IFT122: variants seen among roughly 807,000 people sequenced by gnomAD.
The protein encoded by IFT122 is intraflagellar transport protein 122 homolog.
IFT122 carries 118 observed loss-of-function variants against 161.6 expected under a neutral mutation model. The ratio of observed to expected loss-of-function variants is 0.73; its 90% CI spans 0.63 to 0.85. The LOEUF is 0.85. Ranked by LOEUF, IFT122 falls within the 40% of genes least tolerant of loss-of-function variation. IFT122 has a pLI of 0.00. For synonymous variants in IFT122, 550 were observed against 602.4 expected, an observed-to-expected ratio of 0.91 and a Z score of 1.27; for missense variants, 1,381 against 1,579.6, an observed-to-expected ratio of 0.87 and a Z score of 2.13.
At chr3:129,477,343 T>G (rs959811868) in intron 11 of IFT122, among the ~76,000 whole-genome samples, 2 of 152,220 alleles carry the variant, frequency 1.3e-5, no homozygotes, top group Non-Finnish European at 2.9e-5. Flanking sequence ...TCCACTTAAG[T>G]TGCTGTGCTG....
chr3:129,487,668 AC>A (rs1353386472), intron 15 of IFT122: 2 of 173,178 alleles, frequency 1.2e-5, no homozygotes, highest in African/African-American at 4.8e-5. Context: ...GCCATTCCAG[AC>A]CGCTTCCTCC....
intron 19 of IFT122, among the ~76,000 whole-genome samples, chr3:129,501,218 A>G (rs2081503333): frequency 6.6e-6 from 1 of 152,162 alleles, no homozygotes; most frequent in Non-Finnish European, 1.5e-5. Flanking sequence ...ACACGTGCAC[A>G]TGCTGCTGCG....
At chr3:129,506,273 A>G (rs1001829795) in intron 21 of IFT122, 136 bp from the exon 22 acceptor site, 1 of 952,696 alleles carries the variant, frequency 1.0e-6, no homozygotes, top group African/African-American at 1.6e-5. Flanking sequence ...CATCCCAGCA[A>G]CGAAGCACTG....
rs764713297 is a variant in IFT122 at position 129,492,137 on chromosome 3, A to C, written c.1993-4A>C. The C allele has an allele frequency of 1.2e-6, 2 of 1,609,684 alleles. No homozygotes were observed. The highest frequency in any genetic ancestry group is 4.5e-5 in the East Asian group (2 of 44,818). ...TTATTTTATTCTTTATTTCTTCGCC[A>C]CAGGCCTTCATCAGAGTACAAGACC... On this transcript the variant is annotated splice_polypyrimidine_tract_variant and splice_region_variant and intron_variant, in intron 16 of 29. Transcript: ENST00000348417.
rs1176053696 is a variant in IFT122 at position 129,495,405 on chromosome 3, A to G, written c.2047-41A>G. 8 of 1,612,166 alleles carry G rather than the reference A, an allele frequency of 5.0e-6. No individual in the cohort carries two copies. In the East Asian group the frequency reaches 8.9e-5, roughly 18 times the overall value. On this transcript the variant is annotated intron_variant, in intron 17 of 29. Coordinates refer to ENST00000348417, the MANE Select transcript of IFT122 (RefSeq NM_052989.3). ...CCTTTGTAAAGGCTGCTTCCTGCCC[A>G]TGGCTGCAGAGGCCATTTCCTTTGC...
chr3:129,466,516 T>TTTTTTTTTTTTTTTTTTTTTC, intron 7 of IFT122, among the ~76,000 whole-genome samples: 1 of 145,320 alleles, frequency 6.9e-6, no homozygotes, highest in Non-Finnish European at 1.5e-5. Context: ...TTTTTTTTTT[T>TTTTTTTTTTTTTTTTTTTTTC]TTTGAGACGG....
rs527470540 is a variant in IFT122 at position 129,466,495 on chromosome 3, CTTTTTTTTTTTT to C, written c.564-382_564-371del. The stretch of plus-strand genomic sequence containing the variant: ...GCTCCTTTTATTTTTTATTTTTATT[CTTTTTTTTTTTT>C]TTTTTTTTTTTTGAGACGGGGTCTC... On this transcript the variant is annotated intron_variant, in intron 7 of 29. Transcript: ENST00000348417. Among the ~76,000 whole-genome samples the C allele has an allele frequency of 2.7e-3, 277 of 102,196 alleles. 1 individual carries two copies. The highest frequency in any genetic ancestry group is 8.0e-3 in the African/African-American group (216 of 27,096). 67.0% of individuals were successfully genotyped at this position (102,196 alleles called of 152,430 possible).
rs2080729857 is a variant in IFT122 at position 129,495,530 on chromosome 3, A to T, written c.2131A>T (p.Lys711Ter). ...SYQGKFHEAA[K>*]LYKRSGHENL... ...CCAGGGGAAGTTCCATGAGGCCGCC[A>T]AACTGTACAAGAGGAGTGGGCACGA... The change falls in exon 18 of 30, where the codon AAA (lysine) becomes TAA (stop). Residue 711 changes from lysine (K) to a stop codon, truncating the protein, a stop_gained. Coordinates refer to ENST00000348417, the MANE Select transcript of IFT122 (RefSeq NM_052989.3). LOFTEE classifies it high-confidence loss of function. The T allele has an allele frequency of 1.8e-5, 29 of 1,614,216 alleles. No individual in the cohort carries two copies. The highest frequency in any genetic ancestry group is 2.5e-5 in the Non-Finnish European group (29 of 1,180,042).
rs755254772 is a variant in IFT122, at chr3:129,451,991, G to A, written c.186G>A (p.Ala62=). 36 of 1,612,676 alleles carry A rather than the reference G, an allele frequency of 2.2e-5. No individual in the cohort carries two copies. Among genetic ancestry groups the A allele is most frequent in the Admixed American group, 1.0e-4 (6 of 59,998 alleles). The stretch of plus-strand genomic sequence containing the variant: ...ACACTGTGTACTGTGTGGCATATGC[G>A]AAGGATGGTAAAAGGCTGCTCTGGG... ...HKDTVYCVAY[A]KDGKRFASGS... Residue 62 remains alanine, a synonymous_variant, in exon 3 of 30, where the codon GCG becomes GCA. Coordinates refer to ENST00000348417, the MANE Select transcript of IFT122 (RefSeq NM_052989.3).
intron 24 of IFT122, chr3:129,514,090 G>A (rs2083168096): frequency 4.4e-6 from 2 of 451,008 alleles, no homozygotes; most frequent in Non-Finnish European, 8.4e-6. Flanking sequence ...GAGGCAGGAA[G>A]AGCCATTTTG....
At position 129,454,910 on chromosome 3, in the gene IFT122, G is replaced by A. The variant is rs116983337; in HGVS notation, c.193+2912G>A. On this transcript the variant is annotated intron_variant, in intron 3 of 29. Transcript: ENST00000348417. ...AGGCAGCAAGGGGACTCTTATCTCC[G>A]CTCAAAGATGAGAAAACAGACTTGG... 1.8e-4 allele frequency among the ~76,000 whole-genome samples: 27 copies of A among 152,196 alleles called. No individual in the cohort carries two copies. The East Asian group carries it at 4.8e-3, about 27-fold the overall frequency.
At position 129,499,994 on chromosome 3, in the gene IFT122, C is replaced by G. The variant is rs540474261; in HGVS notation, c.2301C>G (p.Ala767=). The G allele has an allele frequency of 1.2e-6, 2 of 1,614,184 alleles. No homozygotes were observed. The highest frequency in any genetic ancestry group is 1.7e-6 in the Non-Finnish European group (2 of 1,180,032). ...GAAATATCAAGGAGCCCAAAGCCGC[C>G]GTGGAGATGTACATCTCAGCAGGAG... ...WARNIKEPKA[A]VEMYISAGEH... is the part of the protein sequence containing the mutation. Residue 767 remains alanine (A), a synonymous_variant, in exon 19 of 30, where the codon GCC becomes GCG. Coordinates refer to ENST00000348417, the MANE Select transcript of IFT122 (RefSeq NM_052989.3).
Position 129,481,476 on chromosome 3 carries a change from G to T in IFT122, c.1489-54G>T, listed in dbSNP as rs896177818. ...TGGGATTCCAACGGCCTGGCAGTGG[G>T]CCAGGATCTTGTTGCCATGGTGACT... On this transcript the variant is annotated intron_variant, in intron 13 of 29. Coordinates refer to ENST00000348417, the MANE Select transcript of IFT122 (RefSeq NM_052989.3). 6.5e-6 allele frequency: 9 copies of T among 1,380,958 alleles called. No homozygotes were observed. The African/African-American group carries it at 7.1e-5, about 11-fold the overall frequency. 85.5% of individuals were successfully genotyped at this position (1,380,958 alleles called of 1,614,324 possible). A position where few individuals can be genotyped will look rare whatever the true frequency, so the allele number is the denominator to read the frequency against.
At chr3:129,519,247 A>G in intron 28 of IFT122, 61 bp downstream of exon 28, 2 of 1,429,300 alleles carry the variant, frequency 1.4e-6, no homozygotes, top group East Asian at 2.3e-5. Flanking sequence ...TCCTGTGCAC[A>G]TGGGGACCCT....
Position 129,467,059 on chromosome 3 carries a change from G to A in IFT122, c.733G>A (p.Asp245Asn), listed in dbSNP as rs779994717. 36 of 1,613,346 alleles carry A rather than the reference G, an allele frequency of 2.2e-5. No individual in the cohort carries two copies. Among genetic ancestry groups the A allele is most frequent in the African/African-American group, 2.7e-5 (2 of 74,918 alleles). ...PEEEDDSPRD[D>N]NLEERNDILA... ...GGAAGAGGACGACAGTCCCAGGGAC[G>A]ACAACTTGTGAGTGTGTCCCAGTGA... The change falls in exon 8 of 30, where the codon GAC becomes AAC. Residue 245 changes from aspartate (D) to asparagine (N), a missense_variant. Physicochemically the swap from Asp to Asn is conservative, Grantham distance 23. Coordinates refer to ENST00000348417, the MANE Select transcript of IFT122 (RefSeq NM_052989.3).
At chr3:129,503,620 C>T (rs2081871795) in intron 20 of IFT122, among the ~76,000 whole-genome samples, 2 of 152,160 alleles carry the variant, frequency 1.3e-5, no homozygotes, top group Non-Finnish European at 2.9e-5. Flanking sequence ...AAAGCAAAGC[C>T]TTCACTGAGA....
At chr3:129,467,156 A>G (rs1423747940) in intron 8 of IFT122, 90 bp downstream of exon 8, 1 of 1,212,896 alleles carries the variant, frequency 8.2e-7, no homozygotes, top group Admixed American at 1.9e-5. Context: ...TCTTTGGCCA[A>G]GGGAGTGCAG....
chr3:129,506,261 G>A lies in IFT122; in HGVS notation c.2651-148G>A, dbSNP rs377534422. 1.2e-3 allele frequency: 1,076 copies of A among 861,806 alleles called. 17 individuals are homozygous for A. The South Asian group carries it at 0.013, about 11-fold the overall frequency. 53.4% of individuals were successfully genotyped at this position (861,806 alleles called of 1,614,324 possible). ...TGTAGCCTTGGTTATTTAGAGAAGC[G>A]CCATCCCAGCAACGAAGCACTGCAG... On this transcript the variant is annotated intron_variant, in intron 21 of 29. Transcript: ENST00000348417.
At position 129,465,511 on chromosome 3, in the gene IFT122, C is replaced by T. The variant is rs1249780122; in HGVS notation, c.563+730C>T. Among the ~76,000 whole-genome samples the T allele has an allele frequency of 2.1e-5, 3 of 142,648 alleles. No individual in the cohort carries two copies. In the South Asian group the frequency reaches 6.8e-4, roughly 32 times the overall value. 93.6% of individuals were successfully genotyped at this position (142,648 alleles called of 152,430 possible). On this transcript the variant is annotated intron_variant, in intron 7 of 29. Transcript: ENST00000348417. The stretch of plus-strand genomic sequence containing the variant: ...TTTGAGATGGAGTCTCGCTCGGTTG[C>T]CCAGCCTGGAGTGCAGTGGCACAAT...
Sources: gnomAD v4.1 joint callset for allele counts (sites outside exome capture counted in the v4.1 genomes callset) on GRCh38, gnomAD v4.1.1 for gene constraint, MANE v1.5 for transcripts, NCBI Gene and HGNC (gene_info 2026-07-23, HGNC 2026-07-21) for gene names.